Variants in MTSS2 observed in about 807,000 individuals in gnomAD.
MTSS2 encodes protein MTSS 2.
MTSS2 carries 27 observed loss-of-function variants against 67.1 expected under a neutral mutation model. The observed-to-expected ratio is 0.40, with a 90% CI of 0.30 to 0.55. The LOEUF is 0.55. Among genes scored for constraint, MTSS2 ranks in the 20% least tolerant of loss-of-function variants. The probability of loss-of-function intolerance (pLI) is 0.43; values close to 1 mark genes in which losing one functional copy is unlikely to be tolerated. For missense variants in MTSS2, 1,171 were observed against 1,067.8 expected, an observed-to-expected ratio of 1.10 and a Z score of -1.35; for synonymous variants, 624 against 468.6, an observed-to-expected ratio of 1.33 and a Z score of -4.28.
chr16:70,671,879 G>T (rs1239457094), intron 11 of MTSS2, among the ~76,000 whole-genome samples: 2 of 152,196 alleles, frequency 1.3e-5, no homozygotes, highest in Non-Finnish European at 2.9e-5. Flanking sequence ...TGCCAAAACT[G>T]TATGGCTTCT....
chr16:70,672,285 T>C (rs1370268553), intron 11 of MTSS2, among the ~76,000 whole-genome samples: 1 of 147,398 alleles, frequency 6.8e-6, no homozygotes, highest in African/African-American at 2.5e-5. Context: ...AGGCAGAGGT[T>C]GCAGTGAGCC....
intron 7 of MTSS2, among the ~76,000 whole-genome samples, chr16:70,678,821 A>C (rs1284145070): frequency 6.6e-6 from 1 of 152,150 alleles, no homozygotes; most frequent in Non-Finnish European, 1.5e-5. Flanking sequence ...GCTCAGCTGT[A>C]GGCCAGGCCA....
Position 70,664,275 on chromosome 16 carries a change from G to T in MTSS2, c.1646C>A (p.Thr549Lys), listed in dbSNP as rs774161184. The T allele has an allele frequency of 7.7e-6, 12 of 1,558,206 alleles. No individual in the cohort carries two copies. Among genetic ancestry groups the T allele is most frequent in the East Asian group, 4.5e-5 (2 of 44,434 alleles). The change falls in exon 15 of 15, where the codon ACG becomes AAG. Residue 549 changes from threonine to lysine, a missense_variant. Physicochemically the swap from Thr to Lys is moderately conservative, Grantham distance 78. Transcript: ENST00000338779. ...TAGLPTAGLP[T>K]ATGLPSGAPP... The stretch of plus-strand genomic sequence containing the variant: ...TGCGCCCGAGGGCAGGCCAGTGGCC[G>T]TGGGCAGCCCCGCGGTGGGCAGCCC...
chr16:70,680,916 G>GGGGGGGGGGGGGGT, intron 2 of MTSS2, 48 bp downstream of exon 2: 1 of 1,208,022 alleles, frequency 8.3e-7, no homozygotes, highest in Admixed American at 2.0e-5. Context: ...GGCGGGGGGG[G>GGGGGGGGGGGGGGT]GGCCTCTGCC....
Position 70,664,899 on chromosome 16 carries a change from G to A in MTSS2, c.1305+21C>T, listed in dbSNP as rs1232328071. Reference sequence around the variant, plus strand: ...CTCCTGGGACTGACCTGGGCGTGAAGGGGGGCCCTGGCCAGCCTACCTTGG... The same window carrying A: ...CTCCTGGGACTGACCTGGGCGTGAAAGGGGGCCCTGGCCAGCCTACCTTGG... On this transcript the variant is annotated intron_variant, in intron 13 of 14. Coordinates refer to ENST00000338779, the MANE Select transcript of MTSS2 (RefSeq NM_138383.3). The A allele has an allele frequency of 3.9e-6, 6 of 1,529,526 alleles. No homozygotes were observed. The African/African-American group carries it at 6.8e-5, about 17-fold the overall frequency. The allele number at this position is 1,529,526 out of a possible 1,614,324, so 94.7% of individuals were successfully genotyped here. A position where few individuals can be genotyped will look rare whatever the true frequency, so the allele number is the denominator to read the frequency against.
At chr16:70,681,427 G>A (rs1182546931) in intron 1 of MTSS2, among the ~76,000 whole-genome samples, 1 of 152,236 alleles carries the variant, frequency 6.6e-6, no homozygotes, top group Non-Finnish European at 1.5e-5. Flanking sequence ...CATGTGCCTA[G>A]GACACTGGCA....
In MTSS2 at chr16:70,664,191, G is replaced by A. The variant is rs77173170; in HGVS notation, c.1730C>T (p.Ala577Val). Residue 577 changes from alanine (A) to valine (V), a missense_variant, in exon 15 of 15, where the codon GCC becomes GTC. Physicochemically the swap from Ala to Val is moderately conservative, Grantham distance 64 (BLOSUM62 0). This residue lies in a region of MTSS2 where 924 missense variants were observed against 756.0 expected (regional missense o/e 1.22). Transcript: ENST00000338779. ...TPSTKPTVRR[A>V]LSSAGPIPIR... ...GGGGATGGGGCCAGCGCTGGACAGG[G>A]CGCGGCGCACGGTGGGCTTGGTGGA... 17,896 of 1,599,090 alleles carry A rather than the reference G, an allele frequency of 0.011. 120 individuals are homozygous for A. Among genetic ancestry groups the A allele is most frequent in the South Asian group, 0.013 (1,174 of 90,650 alleles).
intron 11 of MTSS2, among the ~76,000 whole-genome samples, chr16:70,668,138 T>G (rs796959956): frequency 2.1e-4 from 32 of 151,784 alleles, no homozygotes; most frequent in African/African-American, 6.8e-4. Context: ...TCTGGCTGGG[T>G]GCAGTGGCTA....
intron 11 of MTSS2, 87 bp downstream of exon 11, chr16:70,674,212 CTCAACAG>C (rs2053033895): frequency 1.2e-5 from 14 of 1,137,612 alleles, no homozygotes; most frequent in Non-Finnish European, 1.6e-5. Flanking sequence ...CTATAGTAGT[CTCAACAG>C]CTATAGTAGT....
chr16:70,665,239 G>A, intron 12 of MTSS2, 143 bp from the exon 13 acceptor site: 5 of 1,039,522 alleles, frequency 4.8e-6, no homozygotes, highest in African/African-American at 1.6e-5. Context: ...GCAGAGCATG[G>A]AGTGTGACTG....
chr16:70,666,406 A>G (rs889980405), intron 11 of MTSS2, among the ~76,000 whole-genome samples: 13 of 152,220 alleles, frequency 8.5e-5, no homozygotes, highest in African/African-American at 2.9e-4. Context: ...ACTACAAAGA[A>G]TAAAGAAAAA....
At chr16:70,665,424 G>C in intron 12 of MTSS2, 42 bp downstream of exon 12, 2 of 1,529,626 alleles carry the variant, frequency 1.3e-6, no homozygotes, top group Non-Finnish European at 1.8e-6. Flanking sequence ...GGATGGGAGG[G>C]GCAGCTGGTG....
At position 70,662,498 on chromosome 16, in the gene MTSS2, T is replaced by G. The variant is rs967951617; in HGVS notation, c.*1179A>C. On this transcript the variant is annotated 3_prime_UTR_variant, in exon 15 of 15. Transcript: ENST00000338779. ...AGAGTCAAAGCCAATCTTCCCAGAC[T>G]CGCTCCCCCACCTGGGCTTGCAGCC... 2.0e-5 allele frequency: 3 copies of G among 152,456 alleles called. No homozygotes were observed. The highest frequency in any genetic ancestry group is 4.4e-5 in the Non-Finnish European group (3 of 68,172). 9.4% of individuals were successfully genotyped at this position (152,456 alleles called of 1,614,324 possible).
At chr16:70,671,013 T>C (rs925218006) in intron 11 of MTSS2, among the ~76,000 whole-genome samples, 15 of 144,438 alleles carry the variant, frequency 1.0e-4, no homozygotes, top group African/African-American at 3.9e-4. Context: ...GTAGTCAGGA[T>C]AGCAGTTACC....
intron 10 of MTSS2, among the ~76,000 whole-genome samples, chr16:70,675,416 CTGT>C (rs2053085440): frequency 6.6e-6 from 1 of 152,162 alleles, no homozygotes. Flanking sequence ...GAGCGAGACC[CTGT>C]CTCACAATGA....
rs146691750 is a variant in MTSS2 at position 70,681,186 on chromosome 16, G to A, written c.70-161C>T. Among the ~76,000 whole-genome samples the A allele has an allele frequency of 2.8e-4, 43 of 152,310 alleles. No individual in the cohort carries two copies. In the East Asian group the frequency reaches 7.3e-3, roughly 26 times the overall value. ...GCTCTGGGTCCTCTCGGAGGGCAGAGGACCAAGGACAGAGCCATCAGCATG... is the reference window on the plus strand; with the variant it reads ...GCTCTGGGTCCTCTCGGAGGGCAGAAGACCAAGGACAGAGCCATCAGCATG... On this transcript the variant is annotated intron_variant, in intron 1 of 14. Transcript: ENST00000338779.
intron 14 of MTSS2, 60 bp from the exon 15 acceptor site, chr16:70,664,509 C>T: frequency 6.4e-7 from 1 of 1,559,102 alleles, no homozygotes. Context: ...CCCAGCCCAC[C>T]AGGGTGAGCA....
Position 70,685,719 on chromosome 16 carries a change from T to C in MTSS2, c.69+4A>G. ...CGCGCCCGGCCCCGCCGCGCCCCGGTTACCTTCATGTCGTTGACTATGGCC... is the reference window on the plus strand; with the variant it reads ...CGCGCCCGGCCCCGCCGCGCCCCGGCTACCTTCATGTCGTTGACTATGGCC... On this transcript the variant is annotated splice_donor_region_variant and intron_variant, in intron 1 of 14. Coordinates refer to ENST00000338779, the MANE Select transcript of MTSS2 (RefSeq NM_138383.3). 1 of 1,338,536 alleles carries C rather than the reference T, an allele frequency of 7.5e-7. No individual in the cohort carries two copies. The highest frequency in any genetic ancestry group is 1.5e-5 in the South Asian group (1 of 66,536). The allele number at this position is 1,338,536 out of a possible 1,614,324, so 82.9% of individuals were successfully genotyped here.
In MTSS2 at chr16:70,664,176, C is replaced by G; in HGVS notation, c.1745G>C (p.Gly582Ala). 2 of 1,604,616 alleles carry G rather than the reference C, an allele frequency of 1.2e-6. No homozygotes were observed. Among genetic ancestry groups the G allele is most frequent in the South Asian group, 1.1e-5 (1 of 90,896 alleles). Residue 582 changes from glycine (G) to alanine (A), a missense_variant, in exon 15 of 15, where the codon GGC becomes GCC. Gly to Ala is a moderately conservative substitution (Grantham distance 60, BLOSUM62 0). Coordinates refer to ENST00000338779, the MANE Select transcript of MTSS2 (RefSeq NM_138383.3). ...PTVRRALSSA[G>A]PIPIRPPIVP... ...GATGGGCGGCCGGATGGGGATGGGG[C>G]CAGCGCTGGACAGGGCGCGGCGCAC...
Sources: gnomAD v4.1 joint callset for allele counts (sites outside exome capture counted in the v4.1 genomes callset) on GRCh38, gnomAD v4.1.1 for gene constraint, gnomAD v4.1.1 regional missense constraint, MANE v1.5 for transcripts, NCBI Gene and HGNC (gene_info 2026-07-23, HGNC 2026-07-21) for gene names.